Variants in SLC35F4 observed in about 807,000 individuals in gnomAD.
SLC35F4 encodes solute carrier family 35 member F4, also known as chromosome 14 open reading frame 36.
SLC35F4 carries 24 observed loss-of-function variants against 44.2 expected under a neutral mutation model. The ratio of observed to expected loss-of-function variants is 0.54; its 90% CI spans 0.39 to 0.76. SLC35F4 has a LOEUF of 0.76. SLC35F4 is among the 30% of genes least tolerant of loss of function. The pLI is 0.00. For missense variants in SLC35F4, 562 were observed against 586.1 expected (o/e 0.96, Z 0.42); for synonymous variants, 238 against 223.6 (o/e 1.06, Z -0.57).
At chr14:57,860,635 C>T (rs957993246) in intron 1 of SLC35F4, among the ~76,000 whole-genome samples, 1 of 152,098 alleles carries the variant, frequency 6.6e-6, no homozygotes, top group African/African-American at 2.4e-5. Context: ...CCTATACAAA[C>T]ACACAAAAAA....
At chr14:57,620,738 G>C (rs1027104651) in intron 1 of SLC35F4, among the ~76,000 whole-genome samples, 24 of 152,154 alleles carry the variant, frequency 1.6e-4, no homozygotes, top group African/African-American at 5.1e-4. Flanking sequence ...ATGAAGGGTT[G>C]TTGAATTTTG....
At chr14:57,829,098 A>T (rs1294320979) in intron 1 of SLC35F4, among the ~76,000 whole-genome samples, 2 of 152,208 alleles carry the variant, frequency 1.3e-5, no homozygotes, top group Non-Finnish European at 2.9e-5. Context: ...TGAATCAGGG[A>T]TGTTCACACA....
At chr14:57,849,304 G>A (rs1221219600) in intron 1 of SLC35F4, among the ~76,000 whole-genome samples, 1 of 152,124 alleles carries the variant, frequency 6.6e-6, no homozygotes, top group East Asian at 1.9e-4. Context: ...TGGGATTATA[G>A]GCATGCGCCA....
intron 1 of SLC35F4, among the ~76,000 whole-genome samples, chr14:57,930,904 C>T (rs79146215): frequency 0.021 from 3,197 of 152,190 alleles, 111 homozygotes; most frequent in African/African-American, 0.068. Flanking sequence ...GTAATAAACC[C>T]CAAATTGCAC....
At chr14:57,930,272 T>C (rs1483783659) in intron 1 of SLC35F4, among the ~76,000 whole-genome samples, 1 of 152,206 alleles carries the variant, frequency 6.6e-6, no homozygotes, top group East Asian at 1.9e-4. Flanking sequence ...CAGATTAACG[T>C]GGACAGACCC....
intron 1 of SLC35F4, among the ~76,000 whole-genome samples, chr14:57,633,765 A>G (rs1265114534): frequency 1.3e-5 from 2 of 152,120 alleles, no homozygotes; most frequent in African/African-American, 4.8e-5. Flanking sequence ...CATTATAGAA[A>G]TTAAACCATG....
intron 1 of SLC35F4, among the ~76,000 whole-genome samples, chr14:57,955,087 A>C (rs1890212514): frequency 6.6e-6 from 1 of 152,172 alleles, no homozygotes; most frequent in South Asian, 2.1e-4. Context: ...CAAAAAGCTT[A>C]TCCACCACGA....
intron 6 of SLC35F4, among the ~76,000 whole-genome samples, chr14:57,567,519 C>G (rs2068266395): frequency 6.6e-6 from 1 of 152,330 alleles, no homozygotes; most frequent in South Asian, 2.1e-4. Flanking sequence ...CACTGGGTCA[C>G]TTTGTGCTTG....
chr14:57,616,480 A>G (rs1212346750), intron 1 of SLC35F4, among the ~76,000 whole-genome samples: 1 of 152,206 alleles, frequency 6.6e-6, no homozygotes, highest in South Asian at 2.1e-4. Context: ...AAAGCACAAG[A>G]GGATTCTTGC....
At chr14:57,680,356 C>T (rs1010527098) in intron 1 of SLC35F4, among the ~76,000 whole-genome samples, 6 of 151,894 alleles carry the variant, frequency 4.0e-5, no homozygotes, top group African/African-American at 1.2e-4. Context: ...ATAAACTAAG[C>T]GTTGATGGAA....
chr14:57,615,206 A>G (rs1483331227), intron 1 of SLC35F4, among the ~76,000 whole-genome samples: 1 of 152,208 alleles, frequency 6.6e-6, no homozygotes, highest in Non-Finnish European at 1.5e-5. Context: ...CGCCATGACA[A>G]TTGAGAACAT....
chr14:57,752,470 CT>C (rs549841375), intron 1 of SLC35F4, among the ~76,000 whole-genome samples: 54 of 145,638 alleles, frequency 3.7e-4, no homozygotes, highest in Non-Finnish European at 6.7e-4. Context: ...TCTTTTTTTT[CT>C]TTTTTTTTGA....
chr14:57,738,038 T>TA (rs1415450150), intron 1 of SLC35F4, among the ~76,000 whole-genome samples: 1 of 152,284 alleles, frequency 6.6e-6, no homozygotes, highest in South Asian at 2.1e-4. Context: ...AATCTTCACA[T>TA]AAAAAATGTT....
At chr14:57,646,474 C>T (rs979555176) in intron 1 of SLC35F4, among the ~76,000 whole-genome samples, 1 of 152,096 alleles carries the variant, frequency 6.6e-6, no homozygotes, top group Non-Finnish European at 1.5e-5. Flanking sequence ...GTGATATCCC[C>T]TTTGTCATTT....
intron 1 of SLC35F4, among the ~76,000 whole-genome samples, chr14:57,775,354 G>C (rs1046912417): frequency 7.2e-5 from 11 of 152,238 alleles, no homozygotes; most frequent in Admixed American, 2.6e-4. Context: ...AAATCCTACT[G>C]CTACTGCCCT....
chr14:57,745,893 A>G (rs540863334), intron 1 of SLC35F4, among the ~76,000 whole-genome samples: 17 of 152,326 alleles, frequency 1.1e-4, no homozygotes, highest in Middle Eastern at 3.4e-3. Context: ...ACCATGGAAT[A>G]CTATGCAGCC....
intron 1 of SLC35F4, among the ~76,000 whole-genome samples, chr14:57,598,243 A>C (rs1232210948): frequency 6.6e-6 from 1 of 152,106 alleles, no homozygotes; most frequent in Non-Finnish European, 1.5e-5. Flanking sequence ...CTACACTTTC[A>C]ATCTCACAGC....
intron 1 of SLC35F4, among the ~76,000 whole-genome samples, chr14:57,768,494 A>C (rs994195991): frequency 3.3e-5 from 5 of 152,180 alleles, no homozygotes; most frequent in African/African-American, 4.8e-5. Context: ...GAGGCTTCAA[A>C]AGTTAATCTC....
chr14:57,936,149 T>C (rs73304455), intron 1 of SLC35F4, among the ~76,000 whole-genome samples: 1 of 152,232 alleles, frequency 6.6e-6, no homozygotes, highest in Non-Finnish European at 1.5e-5. Flanking sequence ...CATTTTACCT[T>C]CTCTCTTAGT....
Sources: gnomAD v4.1 joint callset for allele counts (sites outside exome capture counted in the v4.1 genomes callset) on GRCh38, gnomAD v4.1.1 for gene constraint, MANE v1.5 for transcripts, NCBI Gene and HGNC (gene_info 2026-07-23, HGNC 2026-07-21) for gene names.